DNAH11: variants seen among roughly 807,000 people sequenced by gnomAD.
The protein encoded by DNAH11 is axonemal beta dynein heavy chain 11.
In DNAH11, 442 loss-of-function variants were observed where a neutral mutation model predicts 526.0. That is an observed-to-expected ratio of 0.84 (90% CI 0.78 to 0.91). The LOEUF (loss-of-function observed/expected upper bound fraction) is 0.91. Among genes scored for constraint, DNAH11 ranks in the 40% least tolerant of loss-of-function variants. DNAH11 has a pLI of 0.00. For missense variants in DNAH11, 6,989 were observed against 5,448.7 expected, an observed-to-expected ratio of 1.28 and a Z score of -8.90; for synonymous variants, 2,461 against 1,935.9, an observed-to-expected ratio of 1.27 and a Z score of -7.12.
intron 65 of DNAH11, among the ~76,000 whole-genome samples, chr7:21,840,777 T>C (rs2128015429): frequency 6.6e-6 from 1 of 152,360 alleles, no homozygotes; most frequent in East Asian, 1.9e-4. Flanking sequence ...GCCTAGTGAC[T>C]ATTTACAGAA....
At chr7:21,734,119 G>T (rs757799207) in intron 45 of DNAH11, among the ~76,000 whole-genome samples, 12 of 152,068 alleles carry the variant, frequency 7.9e-5, no homozygotes, top group Non-Finnish European at 1.8e-4. Context: ...GTCAGGCTCT[G>T]TCAGACTTGG....
chr7:21,620,326 A>C (rs960383458), intron 25 of DNAH11, among the ~76,000 whole-genome samples: 3 of 152,068 alleles, frequency 2.0e-5, no homozygotes, highest in Admixed American at 6.6e-5. Context: ...TAGATCACTA[A>C]AGCTTATTCC....
chr7:21,772,577 T>C (rs1787485798), intron 55 of DNAH11, among the ~76,000 whole-genome samples: 1 of 152,158 alleles, frequency 6.6e-6, no homozygotes, highest in Non-Finnish European at 1.5e-5. Flanking sequence ...ATAAATTTTA[T>C]TTTTCTGAGT....
intron 13 of DNAH11, 37 bp downstream of exon 13, chr7:21,591,059 T>C (rs944628444): frequency 7.2e-7 from 1 of 1,387,984 alleles, no homozygotes; most frequent in Non-Finnish European, 9.5e-7. Context: ...TACTAGGGCC[T>C]ATTATGAATA....
chr7:21,762,183 G>C (rs751133136), intron 54 of DNAH11, among the ~76,000 whole-genome samples: 4 of 152,184 alleles, frequency 2.6e-5, no homozygotes, highest in Non-Finnish European at 4.4e-5. Flanking sequence ...TTCAACTCGA[G>C]ATGAGATTTG....
intron 35 of DNAH11, among the ~76,000 whole-genome samples, chr7:21,696,904 A>G (rs951110730): frequency 1.3e-5 from 2 of 152,198 alleles, no homozygotes; most frequent in African/African-American, 4.8e-5. Flanking sequence ...TTAGTTGTCT[A>G]TATTAATGTA....
intron 28 of DNAH11, among the ~76,000 whole-genome samples, chr7:21,654,240 C>T (rs986822365): frequency 6.6e-6 from 1 of 152,158 alleles, no homozygotes; most frequent in Non-Finnish European, 1.5e-5. Flanking sequence ...CCTTCTCATA[C>T]CCCTCCCTCC....
intron 4 of DNAH11, among the ~76,000 whole-genome samples, chr7:21,560,850 A>T (rs1034923979): frequency 6.6e-6 from 1 of 152,226 alleles, no homozygotes; most frequent in African/African-American, 2.4e-5. Context: ...ATATAATAAT[A>T]TATATCCAAA....
rs1249444470 is a variant in DNAH11 at position 21,858,651 on chromosome 7, T to C, written c.11203-3202T>C. On this transcript the variant is annotated intron_variant, in intron 68 of 81. Coordinates refer to ENST00000409508, the MANE Select transcript of DNAH11 (RefSeq NM_001277115.2). ...ACCATATGATGCTATTTATGTGAAA[T>C]TATAGAAAAGGCAAAATTATTCTAC... Among the ~76,000 whole-genome samples, 4 of 152,124 alleles carry C rather than the reference T, an allele frequency of 2.6e-5. No individual in the cohort carries two copies. The East Asian group carries it at 7.7e-4, about 29-fold the overall frequency.
intron 51 of DNAH11, among the ~76,000 whole-genome samples, chr7:21,747,667 T>G (rs1786210293): frequency 6.6e-6 from 1 of 152,234 alleles, no homozygotes; most frequent in Non-Finnish European, 1.5e-5. Flanking sequence ...TTGGCCTTGG[T>G]GGAAATTTAA....
At chr7:21,566,698 A>G (rs921054036) in intron 6 of DNAH11, among the ~76,000 whole-genome samples, 1 of 152,038 alleles carries the variant, frequency 6.6e-6, no homozygotes, top group Non-Finnish European at 1.5e-5. Context: ...CATGCTCCAT[A>G]TTTTAAAATA....
intron 63 of DNAH11, among the ~76,000 whole-genome samples, chr7:21,814,737 T>C (rs1562562645): frequency 6.6e-6 from 1 of 152,114 alleles, no homozygotes; most frequent in Non-Finnish European, 1.5e-5. Flanking sequence ...GAAACCACTG[T>C]TGTATATGCA....
rs72657391 is a variant in DNAH11, at chr7:21,801,359, A to G, written c.10165+84A>G. 6,956 of 1,528,018 alleles carry G rather than the reference A, an allele frequency of 4.6e-3. 275 individuals carry two copies. The African/African-American group carries it at 0.085, about 19-fold the overall frequency. The allele number at this position is 1,528,018 out of a possible 1,614,324, so 94.7% of individuals were successfully genotyped here. On this transcript the variant is annotated intron_variant, in intron 62 of 81. Transcript: ENST00000409508. Reference sequence around the variant, plus strand: ...TTATTATTTGCCATCAATAATAACTAAATAGACATGGAATTAACAACAAAG... The same window carrying G: ...TTATTATTTGCCATCAATAATAACTGAATAGACATGGAATTAACAACAAAG...
chr7:21,678,103 T>G (rs1782976183), intron 30 of DNAH11, among the ~76,000 whole-genome samples: 1 of 152,168 alleles, frequency 6.6e-6, no homozygotes, highest in African/African-American at 2.4e-5. Flanking sequence ...TTTTTTATTT[T>G]GTTGTCTATG....
intron 29 of DNAH11, 74 bp from the exon 30 acceptor site, chr7:21,658,724 T>G: frequency 7.5e-7 from 1 of 1,337,480 alleles, no homozygotes; most frequent in Non-Finnish European, 1.0e-6. Context: ...TGCGTGGCCT[T>G]AGAGCCAGTA....
chr7:21,616,661 C>G (rs781368653), intron 22 of DNAH11, among the ~76,000 whole-genome samples: 2 of 152,082 alleles, frequency 1.3e-5, no homozygotes, highest in Non-Finnish European at 2.9e-5. Context: ...TACCTTTTGG[C>G]TCTGGAATTT....
In DNAH11 at chr7:21,561,116, A is replaced by C; in HGVS notation, c.928A>C (p.Lys310Gln). ...VLKMVKILTTKQSSYFPTLKD... is the reference protein window; with the variant it reads ...VLKMVKILTTQQSSYFPTLKD... Reference sequence around the variant, plus strand: ...CAAAATGGTTAAGATCCTGACAACTAAACAAAGCAGCTATTTTCCTACTCT... The same window carrying C: ...CAAAATGGTTAAGATCCTGACAACTCAACAAAGCAGCTATTTTCCTACTCT... The change falls in exon 5 of 82, where the codon AAA (lysine) becomes CAA (glutamine). Residue 310 changes from lysine to glutamine, a missense_variant. Physicochemically the swap from Lys to Gln is moderately conservative, Grantham distance 53. Coordinates refer to ENST00000409508, the MANE Select transcript of DNAH11 (RefSeq NM_001277115.2). The C allele has an allele frequency of 3.1e-6, 5 of 1,605,498 alleles. No homozygotes were observed. Among genetic ancestry groups the C allele is most frequent in the Non-Finnish European group, 4.3e-6 (5 of 1,175,760 alleles).
chr7:21,678,088 G>C (rs1256893319), intron 30 of DNAH11, among the ~76,000 whole-genome samples: 7 of 149,552 alleles, frequency 4.7e-5, no homozygotes, highest in Admixed American at 4.7e-4. Flanking sequence ...TAGTTCACTT[G>C]TTTATTTTTT....
intron 25 of DNAH11, among the ~76,000 whole-genome samples, chr7:21,626,377 A>G (rs1018003640): frequency 1.3e-5 from 2 of 152,198 alleles, no homozygotes; most frequent in African/African-American, 4.8e-5. Context: ...ACTTAGGTCA[A>G]TTCTGTATTT....
Sources: allele counts gnomAD v4.1 joint callset (sites outside exome capture counted in the v4.1 genomes callset), GRCh38; gene constraint gnomAD v4.1.1; transcripts MANE v1.5; gene names NCBI Gene and HGNC (gene_info 2026-07-23, HGNC 2026-07-21).